The following SYT11 variants were observed in gnomAD, a reference collection of about 807,000 sequenced individuals.
The protein encoded by SYT11 is synaptotagmin 11.
A neutral mutation model predicts 30.4 loss-of-function variants in SYT11; 12 were observed. The ratio of observed to expected loss-of-function variants is 0.39; its 90% CI spans 0.25 to 0.64. The LOEUF (loss-of-function observed/expected upper bound fraction) is 0.64, where lower values mean the gene tolerates loss of function less well. SYT11 is among the 30% of genes least tolerant of loss of function. SYT11 has a pLI of 0.45. For missense variants in SYT11, 412 were observed against 552.0 expected (o/e 0.75, Z 2.54); for synonymous variants, 204 against 216.0 (o/e 0.94, Z 0.49).
chr1:155,881,551 A>G lies in SYT11; in HGVS notation c.*43A>G. ...CTAATCCCCGGGGGCCAAGCTGGGG[A>G]GGGATGTGGAGGGGAAAAAGATGAC... is the stretch of plus-strand genomic sequence containing the variant. On this transcript the variant is annotated 3_prime_UTR_variant, in exon 4 of 4. Coordinates refer to ENST00000368324, the MANE Select transcript of SYT11 (RefSeq NM_152280.5). 6.6e-7 allele frequency: 1 copy of G among 1,515,222 alleles called. No homozygotes were observed. The highest frequency in any genetic ancestry group is 2.2e-5 in the Admixed American group (1 of 46,494). 93.9% of individuals were successfully genotyped at this position (1,515,222 alleles called of 1,614,324 possible). A position where few individuals can be genotyped will look rare whatever the true frequency, so the allele number is the denominator to read the frequency against.
rs922264740 is a variant in SYT11, at chr1:155,860,302, G to A, written c.34+507G>A. ...AGCCAGGGGAGGCGGCGGCCTCTGG[G>A]GAAAGAGGGGTGCGGGGTGGGGAGC... On this transcript the variant is annotated intron_variant, in intron 1 of 3. Transcript: ENST00000368324. The surrounding 1 kb of genome is among the most constrained non-coding windows in gnomAD (Gnocchi z 4.1). Among the ~76,000 whole-genome samples, 1 of 152,164 alleles carries A rather than the reference G, an allele frequency of 6.6e-6. No individual in the cohort carries two copies. Among genetic ancestry groups the A allele is most frequent in the African/African-American group, 2.4e-5 (1 of 41,438 alleles).
chr1:155,873,296 C>T (rs1040315773), intron 2 of SYT11, among the ~76,000 whole-genome samples: 1 of 151,962 alleles, frequency 6.6e-6, no homozygotes, highest in Non-Finnish European at 1.5e-5. Flanking sequence ...CGTGGTGGCA[C>T]GTGCCTGTAG....
rs774197657 is a variant in SYT11 at position 155,868,362 on chromosome 1, C to A, written c.432C>A (p.Ser144Arg). Residue 144 changes from serine (S) to arginine (R), a missense_variant, in exon 2 of 4, where the codon AGC becomes AGA. Ser to Arg is a moderately radical substitution (Grantham distance 110). Transcript: ENST00000368324. The surrounding 1 kb of genome is among the most constrained non-coding windows in gnomAD (Gnocchi z 4.7). ...TTACAAGCCTGACCCCTGGGGAGAG[C>A]AAAACCACCTCTCCATCATCTCCAG... is the stretch of plus-strand genomic sequence containing the variant. ...SPITSLTPGE[S>R]KTTSPSSPEE... 1.2e-6 allele frequency: 2 copies of A among 1,613,952 alleles called. No homozygotes were observed. Among genetic ancestry groups the A allele is most frequent in the Admixed American group, 3.3e-5 (2 of 59,990 alleles).
In SYT11 at chr1:155,870,892, AGG is replaced by A. The variant is rs35648362; in HGVS notation, c.861+2104_861+2105del. 7.9e-4 allele frequency among the ~76,000 whole-genome samples: 8 copies of A among 10,082 alleles called. No homozygotes were observed. The Admixed American group carries it at 0.039, about 49-fold the overall frequency. 6.6% of individuals were successfully genotyped at this position (10,082 alleles called of 152,430 possible). On this transcript the variant is annotated intron_variant, in intron 2 of 3. Coordinates refer to ENST00000368324, the MANE Select transcript of SYT11 (RefSeq NM_152280.5). ...CCTGGCACACTCAGATCCATGTCAC[AGG>A]GGCCAGGGAAGTCCAAGAATCTTGA... is the stretch of plus-strand genomic sequence containing the variant.
At position 155,867,965 on chromosome 1, in the gene SYT11, A is replaced by T; in HGVS notation, c.35A>T (p.Asp12Val). The T allele has an allele frequency of 6.2e-7, 1 of 1,605,122 alleles. No homozygotes were observed. The highest frequency in any genetic ancestry group is 8.5e-7 in the Non-Finnish European group (1 of 1,176,368). ...AEITNIRPSF[D>V]VSPVVAGLIG... The stretch of plus-strand genomic sequence containing the variant: ...ACACATCTCTGATCTCCGCCTTCAG[A>T]TGTGTCACCGGTGGTGGCCGGCCTC... Residue 12 changes from aspartate to valine, a missense_variant and splice_region_variant, in exon 2 of 4, where the codon GAT becomes GTT. Physicochemically the swap from Asp to Val is radical, Grantham distance 152 (BLOSUM62 -3). Coordinates refer to ENST00000368324, the MANE Select transcript of SYT11 (RefSeq NM_152280.5).
At chr1:155,863,534 T>C (rs1313607339) in intron 1 of SYT11, among the ~76,000 whole-genome samples, 1 of 151,846 alleles carries the variant, frequency 6.6e-6, no homozygotes, top group Admixed American at 6.6e-5. Context: ...GCACCTGTAA[T>C]CCCAGCAATT....
chr1:155,868,112 G>A lies in SYT11; in HGVS notation c.182G>A (p.Gly61Asp). ...PPYKFIHMLK[G>D]ISIYPETLSN... ...TACAAGTTTATTCACATGCTCAAAGGCATCAGCATATACCCAGAGACCCTC... is the reference window on the plus strand; with the variant it reads ...TACAAGTTTATTCACATGCTCAAAGACATCAGCATATACCCAGAGACCCTC... The change falls in exon 2 of 4, where the codon GGC becomes GAC. Residue 61 changes from glycine (G) to aspartate (D), a missense_variant. Transcript: ENST00000368324. This position sits in a 1 kb window ranked among gnomAD's most constrained non-coding sequence, Gnocchi z 4.7. 3.7e-6 allele frequency: 6 copies of A among 1,614,100 alleles called. No individual in the cohort carries two copies. Among genetic ancestry groups the A allele is most frequent in the Non-Finnish European group, 5.1e-6 (6 of 1,180,032 alleles).
chr1:155,867,858 G>A, intron 1 of SYT11, 107 bp from the exon 2 acceptor site: 1 of 870,666 alleles, frequency 1.1e-6, no homozygotes, highest in Non-Finnish European at 1.7e-6. Context: ...TTGCTTTAGA[G>A]GCTAGATTGA....
intron 2 of SYT11, among the ~76,000 whole-genome samples, chr1:155,873,037 G>T (rs2102561351): frequency 6.6e-6 from 1 of 152,328 alleles, no homozygotes; most frequent in Middle Eastern, 3.4e-3. Context: ...TTCCTAGAAT[G>T]GATGATTTAG....
intron 1 of SYT11, among the ~76,000 whole-genome samples, chr1:155,865,597 T>C (rs1672659631): frequency 6.7e-6 from 1 of 150,106 alleles, no homozygotes. Flanking sequence ...CATTGTACTT[T>C]AGCCTGGGCA....
intron 2 of SYT11, 83 bp from the exon 3 acceptor site, chr1:155,880,417 A>G (rs1672941527): frequency 6.4e-7 from 1 of 1,550,612 alleles, no homozygotes; most frequent in Non-Finnish European, 8.8e-7. Flanking sequence ...CCTCCCCCAG[A>G]CTCTTCCCAC....
intron 2 of SYT11, among the ~76,000 whole-genome samples, chr1:155,875,192 G>A (rs1342039618): frequency 7.7e-6 from 1 of 130,568 alleles, no homozygotes; most frequent in East Asian, 2.1e-4. Flanking sequence ...GGTGGAGGTT[G>A]CAGTAAGCCA....
chr1:155,876,565 T>C (rs148861161), intron 2 of SYT11, among the ~76,000 whole-genome samples: 49 of 151,960 alleles, frequency 3.2e-4, no homozygotes, highest in Admixed American at 9.2e-4. Context: ...CTCCTTTTGT[T>C]TTCTTTATCC....
At chr1:155,859,920 C>A in intron 1 of SYT11, 125 bp downstream of exon 1, 1 of 965,284 alleles carries the variant, frequency 1.0e-6, no homozygotes, top group South Asian at 1.3e-5. Flanking sequence ...CCACTAAAAT[C>A]GGGCCTGTGG....
intron 1 of SYT11, among the ~76,000 whole-genome samples, chr1:155,864,072 G>A (rs1672632316): frequency 6.6e-6 from 1 of 152,000 alleles, no homozygotes; most frequent in Non-Finnish European, 1.5e-5. Flanking sequence ...GTGACATGGT[G>A]AAATTCCATC....
chr1:155,864,702 T>C (rs1203873880), intron 1 of SYT11, among the ~76,000 whole-genome samples: 1 of 149,436 alleles, frequency 6.7e-6, no homozygotes, highest in African/African-American at 2.5e-5. Context: ...TCATCTTGAC[T>C]CAATCCTTTT....
chr1:155,868,803 G>C lies in SYT11; in HGVS notation c.861+12G>C. On this transcript the variant is annotated intron_variant, in intron 2 of 3. Coordinates refer to ENST00000368324, the MANE Select transcript of SYT11 (RefSeq NM_152280.5). The surrounding 1 kb of genome is among the most constrained non-coding windows in gnomAD (Gnocchi z 4.7). ...AAAGGAATATCCAGGTGAGTAGGAA[G>C]TGTGTGTTGGGGAGCAATGGTAGGT... is the stretch of plus-strand genomic sequence containing the variant. The C allele has an allele frequency of 6.2e-7, 1 of 1,604,284 alleles. No homozygotes were observed. Among genetic ancestry groups the C allele is most frequent in the African/African-American group, 1.3e-5 (1 of 74,918 alleles).
At position 155,859,779 on chromosome 1, in the gene SYT11, T is replaced by A. The variant is rs1393747800; in HGVS notation, c.18T>A (p.Asn6Lys). 3.1e-6 allele frequency: 5 copies of A among 1,613,952 alleles called. No individual in the cohort carries two copies. Among genetic ancestry groups the A allele is most frequent in the Non-Finnish European group, 4.2e-6 (5 of 1,179,960 alleles). The change falls in exon 1 of 4, where the codon AAT becomes AAA. Residue 6 changes from asparagine (N) to lysine (K), a missense_variant. Coordinates refer to ENST00000368324, the MANE Select transcript of SYT11 (RefSeq NM_152280.5). Reference protein sequence around the residue: MAEITNIRPSFDVSPV... With the variant: MAEITKIRPSFDVSPV... ...ATTACGACATGGCTGAGATCACCAA[T>A]ATCCGACCTAGCTTTGGTAAGTAGA...
At chr1:155,863,293 AT>A (rs567758837) in intron 1 of SYT11, among the ~76,000 whole-genome samples, 2 of 151,854 alleles carry the variant, frequency 1.3e-5, no homozygotes, top group East Asian at 3.9e-4. Context: ...TCTAAAAAAA[AT>A]TTTTTTTAAT....
Sources: gnomAD v4.1 joint callset for allele counts (sites outside exome capture counted in the v4.1 genomes callset) on GRCh38, gnomAD v4.1.1 for gene constraint, Gnocchi (gnomAD v3.1) non-coding constraint, MANE v1.5 for transcripts, NCBI Gene and HGNC (gene_info 2026-07-23, HGNC 2026-07-21) for gene names.